MS4A4E: variants seen among roughly 807,000 people sequenced by gnomAD.
The protein encoded by MS4A4E is putative membrane-spanning 4-domains subfamily A member 4E.
A neutral mutation model predicts 13.3 loss-of-function variants in MS4A4E; 23 were observed. The observed-to-expected ratio is 1.73, with a 90% CI of 1.25 to 2.45. The LOEUF (loss-of-function observed/expected upper bound fraction) is 2.45. MS4A4E is among the 30% of genes most tolerant of loss of function. The probability of loss-of-function intolerance (pLI) is 0.00; values close to 1 mark genes in which losing one functional copy is unlikely to be tolerated. For missense variants in MS4A4E, 144 were observed against 131.2 expected (o/e 1.10, Z -0.48); for synonymous variants, 36 against 45.6 (o/e 0.79, Z 0.85).
At chr11:60,226,935 T>C (rs1314058472) in intron 3 of MS4A4E, among the ~76,000 whole-genome samples, 1 of 152,150 alleles carries the variant, frequency 6.6e-6, no homozygotes, top group Admixed American at 6.5e-5. Context: ...TATATTAAGG[T>C]TGTAGGATAC....
intron 1 of MS4A4E, 58 bp downstream of exon 1, chr11:60,242,900 C>T: frequency 7.5e-7 from 1 of 1,326,572 alleles, no homozygotes. Flanking sequence ...ATCCTAAACC[C>T]AGGAAATGAA....
chr11:60,222,020 A>T (rs2084276004), intron 3 of MS4A4E, among the ~76,000 whole-genome samples: 1 of 152,148 alleles, frequency 6.6e-6, no homozygotes, highest in African/African-American at 2.4e-5. Context: ...ACTTCCATTC[A>T]CTGACCTGGC....
intron 6 of MS4A4E, among the ~76,000 whole-genome samples, chr11:60,207,126 G>A (rs915290316): frequency 1.3e-5 from 2 of 152,098 alleles, no homozygotes; most frequent in African/African-American, 4.8e-5. Context: ...ATAAAGCATT[G>A]CAAAAACCAC....
chr11:60,242,725 G>A (rs1184438234), intron 1 of MS4A4E, among the ~76,000 whole-genome samples: 1 of 152,202 alleles, frequency 6.6e-6, no homozygotes, highest in Non-Finnish European at 1.5e-5. Flanking sequence ...TCAGCCTTTA[G>A]GAGGCTTTTC....
chr11:60,238,872 G>T (rs1467893448), intron 1 of MS4A4E, among the ~76,000 whole-genome samples: 1 of 152,078 alleles, frequency 6.6e-6, no homozygotes, highest in Non-Finnish European at 1.5e-5. Flanking sequence ...AAAACATAAG[G>T]AGGATTCCTC....
chr11:60,240,997 TTTTATTTATTTATTTA>T (rs71036563), intron 1 of MS4A4E, among the ~76,000 whole-genome samples: 1 of 151,140 alleles, frequency 6.6e-6, no homozygotes, highest in Non-Finnish European at 1.5e-5. Context: ...AATGTGTACT[TTTTATTTATTTATTTA>T]TTTATTTATT....
Position 60,201,218 on chromosome 11 carries a change from C to T in MS4A4E, c.*325G>A, listed in dbSNP as rs573953520. Reference sequence around the variant, plus strand: ...GCAGAGGCGCCCCTCACCTCCCGGACGGGGCGGCTGGCCGGGCGGGGGGCT... The same window carrying T: ...GCAGAGGCGCCCCTCACCTCCCGGATGGGGCGGCTGGCCGGGCGGGGGGCT... On this transcript the variant is annotated 3_prime_UTR_variant, in exon 9 of 9. Coordinates refer to ENST00000651255, the MANE Select transcript of MS4A4E (RefSeq NM_001393391.1). The T allele has an allele frequency of 5.6e-4, 83 of 148,992 alleles. 1 individual carries two copies. Among genetic ancestry groups the T allele is most frequent in the African/African-American group, 1.9e-3 (74 of 38,594 alleles). The allele number at this position is 148,992 out of a possible 1,614,324, so 9.2% of individuals were successfully genotyped here.
Position 60,201,014 on chromosome 11 carries a change from A to G in MS4A4E, c.*529T>C, listed in dbSNP as rs1176627617. On this transcript the variant is annotated 3_prime_UTR_variant, in exon 9 of 9. Coordinates refer to ENST00000651255, the MANE Select transcript of MS4A4E (RefSeq NM_001393391.1). ...CCGGACGGGGCGGCTGGCCGGGCAG[A>G]GGGCTGACCCCCCCACCTCCCTCCC... 8.4e-6 allele frequency among the ~76,000 whole-genome samples: 1 copy of G among 119,678 alleles called. No individual in the cohort carries two copies. Among genetic ancestry groups the G allele is most frequent in the African/African-American group, 3.3e-5 (1 of 30,728 alleles). The allele number at this position is 119,678 out of a possible 152,430, so 78.5% of individuals were successfully genotyped here. A position where few individuals can be genotyped will look rare whatever the true frequency, so the allele number is the denominator to read the frequency against.
Position 60,215,010 on chromosome 11 carries a change from A to G in MS4A4E, c.179-396T>C, listed in dbSNP as rs193037161. On this transcript the variant is annotated intron_variant, in intron 3 of 8. Transcript: ENST00000651255. ...TGTTTAAAAAGTTATAAAATAAAATAGTAGCACATAAAATTTAGTTCCCAG... is the reference window on the plus strand; with the variant it reads ...TGTTTAAAAAGTTATAAAATAAAATGGTAGCACATAAAATTTAGTTCCCAG... Among the ~76,000 whole-genome samples the G allele has an allele frequency of 5.3e-5, 8 of 152,312 alleles. No individual in the cohort carries two copies. In the East Asian group the frequency reaches 1.5e-3, roughly 29 times the overall value.
chr11:60,226,847 T>C (rs1441890011), intron 3 of MS4A4E, among the ~76,000 whole-genome samples: 3 of 152,116 alleles, frequency 2.0e-5, no homozygotes, highest in Non-Finnish European at 4.4e-5. Context: ...TAAAACTGCT[T>C]TTATTCACAG....
chr11:60,213,273 C>T (rs2084148394), intron 4 of MS4A4E, 141 bp from the exon 5 acceptor site: 2 of 1,535,340 alleles, frequency 1.3e-6, no homozygotes, highest in Admixed American at 2.0e-5. Context: ...CAACTCTGAT[C>T]TCTCGCCAAA....
At chr11:60,235,734 A>G (rs970334973) in intron 1 of MS4A4E, among the ~76,000 whole-genome samples, 5 of 152,228 alleles carry the variant, frequency 3.3e-5, no homozygotes, top group Non-Finnish European at 7.3e-5. Flanking sequence ...CAATTCTCCC[A>G]AGTTTAACAA....
At chr11:60,228,907 G>A (rs993783712) in intron 2 of MS4A4E, among the ~76,000 whole-genome samples, 2 of 152,204 alleles carry the variant, frequency 1.3e-5, no homozygotes, top group African/African-American at 4.8e-5. Context: ...GACGATAGAA[G>A]ATTAGTGATT....
At chr11:60,210,174 C>T (rs755105401) in intron 5 of MS4A4E, among the ~76,000 whole-genome samples, 2 of 152,156 alleles carry the variant, frequency 1.3e-5, no homozygotes, top group East Asian at 1.9e-4. Flanking sequence ...TAAATGGGTT[C>T]GTTACATTTC....
intron 3 of MS4A4E, among the ~76,000 whole-genome samples, chr11:60,224,027 TA>T (rs2084311247): frequency 6.6e-6 from 1 of 152,238 alleles, no homozygotes; most frequent in Admixed American, 6.5e-5. Flanking sequence ...TATAAAACTC[TA>T]AACTGTCTCA....
At chr11:60,213,610 G>A (rs1349042049) in intron 4 of MS4A4E, among the ~76,000 whole-genome samples, 1 of 152,190 alleles carries the variant, frequency 6.6e-6, no homozygotes, top group Non-Finnish European at 1.5e-5. Context: ...TGTGAAGAGT[G>A]TAGTGTGGCT....
Position 60,243,048 on chromosome 11 carries a change from G to C in MS4A4E, c.-107C>G, listed in dbSNP as rs2084570428. ...AAGTTCTTTGTTCCAGACACAGTCAGCTTCCCCCACTCCACACCTCACTCA... is the reference window on the plus strand; with the variant it reads ...AAGTTCTTTGTTCCAGACACAGTCACCTTCCCCCACTCCACACCTCACTCA... On this transcript the variant is annotated 5_prime_UTR_variant, in exon 1 of 9. Transcript: ENST00000651255. 1 of 1,248,380 alleles carries C rather than the reference G, an allele frequency of 8.0e-7. No individual in the cohort carries two copies. Among genetic ancestry groups the C allele is most frequent in the Admixed American group, 2.2e-5 (1 of 46,500 alleles). The allele number at this position is 1,248,380 out of a possible 1,614,324, so 77.3% of individuals were successfully genotyped here. A position where few individuals can be genotyped will look rare whatever the true frequency, so the allele number is the denominator to read the frequency against.
At chr11:60,242,411 A>C (rs1460309758) in intron 1 of MS4A4E, among the ~76,000 whole-genome samples, 4 of 152,194 alleles carry the variant, frequency 2.6e-5, no homozygotes, top group South Asian at 2.1e-4. Context: ...CCTGGGTGCC[A>C]CATGAATAGT....
chr11:60,223,894 T>TTA lies in MS4A4E; in HGVS notation c.178+4698_178+4699dup, dbSNP rs752538372. Among the ~76,000 whole-genome samples, 161 of 152,206 alleles carry TTA rather than the reference T, an allele frequency of 1.1e-3. 1 individual carries two copies. Among genetic ancestry groups the TTA allele is most frequent in the Non-Finnish European group, 7.9e-4 (54 of 68,000 alleles). The stretch of plus-strand genomic sequence containing the variant: ...TCAATACTCCCTAATAAACTTCCTT[T>TTA]TATATATATACACATCTATCCTATT... On this transcript the variant is annotated intron_variant, in intron 3 of 8. Transcript: ENST00000651255.
Sources: allele counts gnomAD v4.1 joint callset (sites outside exome capture counted in the v4.1 genomes callset), GRCh38; gene constraint gnomAD v4.1.1; transcripts MANE v1.5; gene names NCBI Gene and HGNC (gene_info 2026-07-23, HGNC 2026-07-21).